Variants in LNX1 observed in about 807,000 individuals in gnomAD.
The protein encoded by LNX1 is E3 ubiquitin-protein ligase LNX.
LNX1 carries 54 observed loss-of-function variants against 68.4 expected under a neutral mutation model. The ratio of observed to expected loss-of-function variants is 0.79; its 90% CI spans 0.63 to 0.99. LNX1 has a LOEUF of 0.99. LNX1 is among the 50% of genes least tolerant of loss of function. The probability of loss-of-function intolerance (pLI) is 0.00; values close to 1 mark genes in which losing one functional copy is unlikely to be tolerated. For synonymous variants in LNX1, 336 were observed against 350.0 expected (o/e 0.96, Z 0.45); for missense variants, 906 against 926.4 (o/e 0.98, Z 0.29).
At chr4:53,639,134 T>C (rs1447335858) in intron 1 of LNX1, among the ~76,000 whole-genome samples, 1 of 152,212 alleles carries the variant, frequency 6.6e-6, no homozygotes, top group Non-Finnish European at 1.5e-5. Flanking sequence ...ATATACACCA[T>C]GAAGTACTAT....
intron 2 of LNX1, among the ~76,000 whole-genome samples, chr4:53,530,220 T>C (rs1727922190): frequency 6.6e-6 from 1 of 152,152 alleles, no homozygotes; most frequent in Non-Finnish European, 1.5e-5. Flanking sequence ...TATTTTTAAG[T>C]AACGTTTTAA....
At chr4:53,541,521 G>T (rs1263431953) in intron 2 of LNX1, among the ~76,000 whole-genome samples, 2 of 152,096 alleles carry the variant, frequency 1.3e-5, no homozygotes, top group Non-Finnish European at 2.9e-5. Context: ...TTCTTTTAGT[G>T]TAGATTCTAA....
At chr4:53,543,428 T>C (rs575478620) in intron 2 of LNX1, among the ~76,000 whole-genome samples, 4 of 152,346 alleles carry the variant, frequency 2.6e-5, no homozygotes, top group Non-Finnish European at 5.9e-5. Context: ...AAGTATTTGT[T>C]ATTAAATTAT....
chr4:53,611,231 T>C (rs1040587690), intron 2 of LNX1, among the ~76,000 whole-genome samples: 2 of 151,520 alleles, frequency 1.3e-5, no homozygotes, highest in African/African-American at 4.9e-5. Context: ...AAAAAAAAAG[T>C]CTAAAATAGT....
rs550695692 is a variant in LNX1 at position 53,521,707 on chromosome 4, A to T, written c.381-13480T>A. Among the ~76,000 whole-genome samples, 12 of 152,256 alleles carry T rather than the reference A, an allele frequency of 7.9e-5. No homozygotes were observed. The South Asian group carries it at 2.5e-3, about 32-fold the overall frequency. On this transcript the variant is annotated intron_variant, in intron 2 of 10. Coordinates refer to ENST00000263925, the MANE Select transcript of LNX1 (RefSeq NM_001126328.3). ...TGTTATGCAAACGAAGGGGGAAAGG[A>T]GGGGATGCTTTTCCTGTTTGCAGGA...
At chr4:53,621,592 G>A (rs1215087345), upstream of LNX1, among the ~76,000 whole-genome samples, 1 of 152,098 alleles carries the variant, frequency 6.6e-6, no homozygotes. Flanking sequence ...CCACTCTGTC[G>A]CACTCATATA....
chr4:53,554,359 A>T (rs1238728499), intron 2 of LNX1, among the ~76,000 whole-genome samples: 2 of 152,208 alleles, frequency 1.3e-5, no homozygotes, highest in Non-Finnish European at 2.9e-5. Context: ...CAACATTACG[A>T]ATTGGTTTGG....
chr4:53,550,842 C>T (rs1729451636), intron 2 of LNX1, among the ~76,000 whole-genome samples: 1 of 152,134 alleles, frequency 6.6e-6, no homozygotes, highest in South Asian at 2.1e-4. Context: ...ACAGCCTTCA[C>T]CTAGAGAAGG....
At chr4:53,594,664 A>T (rs184895645), upstream of LNX1, among the ~76,000 whole-genome samples, 16 of 152,100 alleles carry the variant, frequency 1.1e-4, no homozygotes, top group Middle Eastern at 3.4e-3. Context: ...TTACCCCCCA[A>T]GATCAAACCC....
intron 9 of LNX1, among the ~76,000 whole-genome samples, chr4:53,469,216 T>C (rs570796857): frequency 1.3e-5 from 2 of 152,278 alleles, no homozygotes; most frequent in African/African-American, 4.8e-5. Context: ...ACATGGAAAC[T>C]GAACAACCTG....
At chr4:53,568,805 T>A (rs1269570801) in intron 2 of LNX1, among the ~76,000 whole-genome samples, 1 of 152,128 alleles carries the variant, frequency 6.6e-6, no homozygotes, top group Non-Finnish European at 1.5e-5. Context: ...ATAAGCGACT[T>A]CAGCAAAGTC....
intron 9 of LNX1, among the ~76,000 whole-genome samples, chr4:53,471,704 G>T (rs1723196957): frequency 1.3e-5 from 2 of 152,084 alleles, no homozygotes; most frequent in African/African-American, 2.4e-5. Flanking sequence ...CTCAAAAGAA[G>T]ACATTTATGC....
At chr4:53,568,580 CGGGCACAAGACAGGG>C (rs71197031) in intron 2 of LNX1, among the ~76,000 whole-genome samples, 7 of 147,132 alleles carry the variant, frequency 4.8e-5, no homozygotes, top group African/African-American at 1.8e-4. Context: ...CCTTTGAAAA[CGGGCACAAGACAGGG>C]GGGCACAAGA....
chr4:53,491,178 G>A (rs1256870513), intron 6 of LNX1, among the ~76,000 whole-genome samples: 3 of 151,996 alleles, frequency 2.0e-5, no homozygotes, highest in African/African-American at 7.3e-5. Flanking sequence ...ATTATCTCCA[G>A]GATGTGAGTT....
At chr4:53,502,118 G>A (rs1211785277) in intron 4 of LNX1, 2 of 151,982 alleles carry the variant, frequency 1.3e-5, no homozygotes, top group Admixed American at 1.3e-4. Flanking sequence ...AAGGACTAAA[G>A]GATATAATAA....
upstream of LNX1, chr4:53,591,624 G>A (rs1732509889): frequency 2.0e-6 from 2 of 976,984 alleles, no homozygotes; most frequent in African/African-American, 3.5e-5. Flanking sequence ...AAAGAGTCAG[G>A]AGGCCCCGCC....
intron 2 of LNX1, among the ~76,000 whole-genome samples, chr4:53,515,234 A>G (rs1301431128): frequency 1.3e-5 from 2 of 152,210 alleles, no homozygotes; most frequent in African/African-American, 2.4e-5. Flanking sequence ...CCGCCAGTCA[A>G]GACACATCAG....
chr4:53,637,023 T>G (rs1246345032), intron 1 of LNX1, among the ~76,000 whole-genome samples: 1 of 151,184 alleles, frequency 6.6e-6, no homozygotes, highest in Non-Finnish European at 1.5e-5. Context: ...TTGGGTTATA[T>G]TAATAGTTTA....
chr4:53,460,949 TCTTC>T lies in LNX1; in HGVS notation c.2141_2144del (p.Gly714GlufsTer4). ...GCCAAGAAACAATAGTTAGAGTAAT[TCTTC>T]CTTTAAGTTCTTTCAGCAGTCTTGC... On this transcript the variant is annotated frameshift_variant, in exon 11 of 11. Coordinates refer to ENST00000263925, the MANE Select transcript of LNX1 (RefSeq NM_001126328.3). LOFTEE classifies it high-confidence loss of function. The T allele has an allele frequency of 6.2e-7, 1 of 1,611,468 alleles. No homozygotes were observed.
Sources: gnomAD v4.1 joint callset for allele counts (sites outside exome capture counted in the v4.1 genomes callset) on GRCh38, gnomAD v4.1.1 for gene constraint, MANE v1.5 for transcripts, NCBI Gene and HGNC (gene_info 2026-07-23, HGNC 2026-07-21) for gene names.